Variants in COTL1 observed in about 807,000 individuals in gnomAD.
The protein encoded by COTL1 is coactosin like F-actin binding protein 1, also known as coactosin-like protein.
Under a neutral mutation model 16.5 loss-of-function variants are expected in COTL1, and 15 were observed. The observed-to-expected ratio is 0.91, with a 90% CI of 0.61 to 1.40. COTL1 has a LOEUF of 1.40. Ranked by LOEUF, COTL1 falls within the 40% of genes most tolerant of loss-of-function variation. The pLI, the probability that COTL1 is intolerant of heterozygous loss-of-function variation, is 0.00. For synonymous variants in COTL1, 112 were observed against 85.3 expected (o/e 1.31, Z -1.73); for missense variants, 220 against 201.5 (o/e 1.09, Z -0.56).
intron 3 of COTL1, among the ~76,000 whole-genome samples, chr16:84,587,761 A>G (rs912594287): frequency 2.0e-5 from 3 of 151,800 alleles, no homozygotes; most frequent in Non-Finnish European, 4.4e-5. Context: ...GGACTCTATT[A>G]TGTCCTATCA....
chr16:84,617,411 G>C (rs1905518747), intron 2 of COTL1, 90 bp downstream of exon 2: 6 of 1,270,040 alleles, frequency 4.7e-6, no homozygotes, highest in Non-Finnish European at 6.7e-6. Flanking sequence ...GTGGCCACCG[G>C]TTCCTCCCGG....
chr16:84,599,537 T>C (rs1024535672), intron 2 of COTL1, among the ~76,000 whole-genome samples: 2 of 152,132 alleles, frequency 1.3e-5, no homozygotes, highest in Non-Finnish European at 2.9e-5. Flanking sequence ...CTGATCACCA[T>C]GCCAGGCATG....
At chr16:84,605,194 G>A (rs1319945769) in intron 2 of COTL1, among the ~76,000 whole-genome samples, 2 of 152,226 alleles carry the variant, frequency 1.3e-5, no homozygotes, top group South Asian at 4.1e-4. Flanking sequence ...AGAGCCTCCC[G>A]TGGTCTTCCC....
chr16:84,591,452 G>A (rs2150688304), intron 2 of COTL1, among the ~76,000 whole-genome samples: 1 of 151,304 alleles, frequency 6.6e-6, no homozygotes, highest in South Asian at 2.1e-4. Context: ...CCAAAGTGCT[G>A]GGATTACAGG....
At chr16:84,593,411 T>C (rs1169135697) in intron 2 of COTL1, among the ~76,000 whole-genome samples, 1 of 152,250 alleles carries the variant, frequency 6.6e-6, no homozygotes, top group African/African-American at 2.4e-5. Flanking sequence ...CCCCGGGGAC[T>C]GTGCCTGAAT....
chr16:84,583,334 A>G (rs190668870), intron 3 of COTL1, among the ~76,000 whole-genome samples: 100 of 152,362 alleles, frequency 6.6e-4, no homozygotes, highest in Non-Finnish European at 9.7e-4. Flanking sequence ...TAGGGCCACA[A>G]TAAAACTATT....
chr16:84,580,218 G>GC (rs1904552186), intron 3 of COTL1, among the ~76,000 whole-genome samples: 1 of 152,180 alleles, frequency 6.6e-6, no homozygotes. Flanking sequence ...AGGGTGCAGG[G>GC]ATCTCCTTCT....
intron 3 of COTL1, among the ~76,000 whole-genome samples, chr16:84,580,461 G>C (rs755391914): frequency 2.0e-5 from 3 of 152,078 alleles, no homozygotes; most frequent in Non-Finnish European, 4.4e-5. Context: ...ATATTGCCCA[G>C]GCTGGTCTGG....
At chr16:84,595,619 G>A (rs1360427393) in intron 2 of COTL1, 2 of 152,206 alleles carry the variant, frequency 1.3e-5, no homozygotes, top group Non-Finnish European at 2.9e-5. Context: ...GGAGCCCTAG[G>A]CTCCCTCGTC....
At chr16:84,599,639 C>A (rs868037452) in intron 2 of COTL1, among the ~76,000 whole-genome samples, 1 of 152,148 alleles carries the variant, frequency 6.6e-6, no homozygotes, top group Middle Eastern at 3.4e-3. Flanking sequence ...TAGAGCAAGG[C>A]CAAAGAAAGG....
rs1403113980 is a variant in COTL1 at position 84,566,892 on chromosome 16, C to G, written c.382G>C (p.Glu128Gln). Residue 128 changes from glutamate (E) to glutamine (Q), a missense_variant, in exon 4 of 4, where the codon GAG becomes CAG. Glu to Gln is a conservative substitution (Grantham distance 29). Transcript: ENST00000262428. Reference protein sequence around the residue: ...KELEEDFIKSELKKAGGANYD... With the variant: ...KELEEDFIKSQLKKAGGANYD... The stretch of plus-strand genomic sequence containing the variant: ...TTGGCTCCCCCCGCCTTCTTCAGCT[C>G]GCTCTTGATGAAATCTTCCTCCAGC... 6.2e-7 allele frequency: 1 copy of G among 1,614,058 alleles called. No individual in the cohort carries two copies. The highest frequency in any genetic ancestry group is 1.1e-5 in the South Asian group (1 of 91,076).
In COTL1 at chr16:84,618,027, G is replaced by A; in HGVS notation, c.-113C>T. ...CGAGGGCGCACGGGCTGGCGGCGGT[G>A]GCGACGGCTACGCGGCGCCTGCAAG... is the stretch of plus-strand genomic sequence containing the variant. On this transcript the variant is annotated 5_prime_UTR_variant, in exon 1 of 4. Coordinates refer to ENST00000262428, the MANE Select transcript of COTL1 (RefSeq NM_021149.5). 5.7e-6 allele frequency: 3 copies of A among 521,800 alleles called. No homozygotes were observed. Among genetic ancestry groups the A allele is most frequent in the South Asian group, 1.7e-4 (2 of 11,922 alleles). 32.3% of individuals were successfully genotyped at this position (521,800 alleles called of 1,614,324 possible).
chr16:84,615,106 G>A (rs1337077618), intron 2 of COTL1, among the ~76,000 whole-genome samples: 2 of 152,176 alleles, frequency 1.3e-5, no homozygotes, highest in Admixed American at 6.5e-5. Context: ...ATTGTCCCTG[G>A]GTTATGAGGA....
chr16:84,571,225 C>T (rs147121249), intron 3 of COTL1, among the ~76,000 whole-genome samples: 230 of 152,186 alleles, frequency 1.5e-3, no homozygotes, highest in Non-Finnish European at 2.7e-3. Flanking sequence ...GCCCCCGCCG[C>T]GTGACTGCCA....
intron 3 of COTL1, among the ~76,000 whole-genome samples, chr16:84,582,215 G>A (rs748818605): frequency 2.0e-5 from 3 of 151,528 alleles, no homozygotes; most frequent in Non-Finnish European, 2.9e-5. Flanking sequence ...GGTTGGTCGC[G>A]AACTCCTGAC....
At chr16:84,584,175 A>G (rs965039186) in intron 3 of COTL1, among the ~76,000 whole-genome samples, 4 of 152,246 alleles carry the variant, frequency 2.6e-5, no homozygotes, top group Non-Finnish European at 4.4e-5. Flanking sequence ...AGCTGTGGCC[A>G]GCCAGCCGTG....
Position 84,606,059 on chromosome 16 carries a change from T to G in COTL1, c.160+11442A>C, listed in dbSNP as rs191750173. On this transcript the variant is annotated intron_variant, in intron 2 of 3. Transcript: ENST00000262428. ...TAAGTACAGAACTAAAAACAAGATCTATGGCAGGTTAATTTCAAAATGCAC... is the reference window on the plus strand; with the variant it reads ...TAAGTACAGAACTAAAAACAAGATCGATGGCAGGTTAATTTCAAAATGCAC... Among the ~76,000 whole-genome samples the G allele has an allele frequency of 4.6e-5, 7 of 152,360 alleles. No individual in the cohort carries two copies. In the East Asian group the frequency reaches 1.3e-3, roughly 29 times the overall value.
At chr16:84,584,386 C>T (rs2925066) in intron 3 of COTL1, among the ~76,000 whole-genome samples, 152,239 of 152,408 alleles carry the variant, frequency 1, 76,035 homozygotes, top group Non-Finnish European at 1. Context: ...AACTTCACTC[C>T]TAATTCTTCC....
chr16:84,617,944 G>C lies in COTL1; in HGVS notation c.-30C>G, dbSNP rs1018155727. 31 of 1,511,696 alleles carry C rather than the reference G, an allele frequency of 2.1e-5. No individual in the cohort carries two copies. The African/African-American group carries it at 2.2e-4, about 11-fold the overall frequency. The allele number at this position is 1,511,696 out of a possible 1,614,324, so 93.6% of individuals were successfully genotyped here. A position where few individuals can be genotyped will look rare whatever the true frequency, so the allele number is the denominator to read the frequency against. On this transcript the variant is annotated 5_prime_UTR_variant, in exon 1 of 4. Transcript: ENST00000262428. ...GCGGAGCCGCAGCGGGACACTGTCCGGGGCGGCCGAGCGCGCCCCTGGCCG... is the reference window on the plus strand; with the variant it reads ...GCGGAGCCGCAGCGGGACACTGTCCCGGGCGGCCGAGCGCGCCCCTGGCCG...
Sources: gnomAD v4.1 joint callset for allele counts (sites outside exome capture counted in the v4.1 genomes callset) on GRCh38, gnomAD v4.1.1 for gene constraint, MANE v1.5 for transcripts, NCBI Gene and HGNC (gene_info 2026-07-23, HGNC 2026-07-21) for gene names.